CTDSPL2: variants seen among roughly 807,000 people sequenced by gnomAD.
CTDSPL2 encodes CTD small phosphatase like 2.
In CTDSPL2, 5 loss-of-function variants were observed where a neutral mutation model predicts 60.0. That is an observed-to-expected ratio of 0.08 (90% CI 0.04 to 0.18). CTDSPL2 has a LOEUF of 0.18. Among genes scored for constraint, CTDSPL2 ranks in the 10% least tolerant of loss-of-function variants. The pLI is 1.00. For synonymous variants in CTDSPL2, 186 were observed against 189.3 expected, an observed-to-expected ratio of 0.98 and a Z score of 0.14; for missense variants, 370 against 548.8, an observed-to-expected ratio of 0.67 and a Z score of 3.26.
At chr15:44,504,704 C>G (rs2081430654) in intron 8 of CTDSPL2, among the ~76,000 whole-genome samples, 1 of 148,956 alleles carries the variant, frequency 6.7e-6, no homozygotes, top group Non-Finnish European at 1.5e-5. Flanking sequence ...GATCCTGTCC[C>G]TTCCAAAAAA....
intron 1 of CTDSPL2, among the ~76,000 whole-genome samples, chr15:44,457,107 G>A (rs2080463629): frequency 6.6e-6 from 1 of 151,984 alleles, no homozygotes; most frequent in Non-Finnish European, 1.5e-5. Flanking sequence ...GAACTCCTGG[G>A]CTCAAGCCAT....
At chr15:44,492,923 C>G (rs1336935354) in intron 5 of CTDSPL2, among the ~76,000 whole-genome samples, 1 of 152,114 alleles carries the variant, frequency 6.6e-6, no homozygotes, top group Non-Finnish European at 1.5e-5. Context: ...GATGTTTGTT[C>G]TGTATTTTCA....
At chr15:44,496,004 A>G (rs1388812406) in intron 5 of CTDSPL2, among the ~76,000 whole-genome samples, 1 of 152,190 alleles carries the variant, frequency 6.6e-6, no homozygotes, top group African/African-American at 2.4e-5. Flanking sequence ...TGTATGTACA[A>G]GGCATTTTAT....
intron 1 of CTDSPL2, among the ~76,000 whole-genome samples, chr15:44,431,505 AC>A (rs1236035835): frequency 6.6e-6 from 1 of 152,182 alleles, no homozygotes; most frequent in African/African-American, 2.4e-5. Context: ...CCAATGCCTA[AC>A]TTTATTTATA....
intron 1 of CTDSPL2, among the ~76,000 whole-genome samples, chr15:44,433,637 C>T (rs1326968387): frequency 6.6e-6 from 1 of 151,948 alleles, no homozygotes; most frequent in Non-Finnish European, 1.5e-5. Flanking sequence ...TGTTTGCCAC[C>T]ACGCCTGGCT....
intron 1 of CTDSPL2, among the ~76,000 whole-genome samples, chr15:44,455,310 G>A (rs1363033451): frequency 3.9e-5 from 6 of 152,190 alleles, no homozygotes; most frequent in Non-Finnish European, 5.9e-5. Flanking sequence ...TCAGCTTAAG[G>A]AGATTTTGGG....
intron 2 of CTDSPL2, 95 bp from the exon 3 acceptor site, chr15:44,484,129 A>G: frequency 9.0e-7 from 1 of 1,112,064 alleles, no homozygotes; most frequent in Non-Finnish European, 1.3e-6. Flanking sequence ...AAAGCAGAGG[A>G]AAGTATATTA....
At chr15:44,447,413 A>G (rs1161657778) in intron 1 of CTDSPL2, among the ~76,000 whole-genome samples, 7 of 152,340 alleles carry the variant, frequency 4.6e-5, no homozygotes, top group Admixed American at 6.5e-5. Context: ...TACAATCTCA[A>G]TGCAAACGTT....
chr15:44,487,511 G>A (rs1004038057), intron 4 of CTDSPL2, among the ~76,000 whole-genome samples: 1 of 152,116 alleles, frequency 6.6e-6, no homozygotes, highest in Non-Finnish European at 1.5e-5. Flanking sequence ...CTTCTGGGTG[G>A]CAGGGGTAGT....
chr15:44,507,965 A>G (rs985680414), intron 8 of CTDSPL2, among the ~76,000 whole-genome samples: 1 of 152,226 alleles, frequency 6.6e-6, no homozygotes, highest in African/African-American at 2.4e-5. Context: ...TATTTTATAG[A>G]TAGGGAAACT....
At chr15:44,440,250 C>G (rs1007494861) in intron 1 of CTDSPL2, among the ~76,000 whole-genome samples, 1 of 148,268 alleles carries the variant, frequency 6.7e-6, no homozygotes, top group African/African-American at 2.5e-5. Flanking sequence ...GGCTGGAGTG[C>G]AGTGGTGTGA....
intron 5 of CTDSPL2, among the ~76,000 whole-genome samples, chr15:44,495,232 A>G (rs2081278703): frequency 6.6e-6 from 1 of 152,186 alleles, no homozygotes; most frequent in Non-Finnish European, 1.5e-5. Context: ...GGCCTCCCAA[A>G]GTGCTGGGAT....
chr15:44,489,739 A>G (rs1296033268), intron 4 of CTDSPL2, among the ~76,000 whole-genome samples: 3 of 152,230 alleles, frequency 2.0e-5, no homozygotes, highest in African/African-American at 7.2e-5. Context: ...GCAGTAAACT[A>G]GTAGCTATGT....
At chr15:44,464,194 G>A (rs981701525) in intron 2 of CTDSPL2, among the ~76,000 whole-genome samples, 8 of 152,182 alleles carry the variant, frequency 5.3e-5, no homozygotes, top group Admixed American at 2.0e-4. Flanking sequence ...CTTATGGTTA[G>A]TAAGCAGTTA....
intron 8 of CTDSPL2, among the ~76,000 whole-genome samples, chr15:44,504,875 G>A (rs775510316): frequency 1.6e-4 from 25 of 152,044 alleles, no homozygotes; most frequent in Non-Finnish European, 3.5e-4. Context: ...AGCTTGTAGG[G>A]AACAATAATT....
intron 1 of CTDSPL2, among the ~76,000 whole-genome samples, chr15:44,443,560 AATTTTTATTTTTT>A (rs1170621963): frequency 9.2e-5 from 14 of 152,156 alleles, no homozygotes; most frequent in Admixed American, 6.5e-5. Flanking sequence ...TCTTGCCGGC[AATTTTTATTTTTT>A]ATTTTTATTT....
At chr15:44,477,996 T>C (rs1262925344) in intron 2 of CTDSPL2, among the ~76,000 whole-genome samples, 1 of 152,234 alleles carries the variant, frequency 6.6e-6, no homozygotes, top group Middle Eastern at 3.2e-3. Context: ...TTTCTTAGTT[T>C]TATGTCTACA....
chr15:44,501,225 G>C (rs114355322), intron 8 of CTDSPL2, among the ~76,000 whole-genome samples: 3 of 151,926 alleles, frequency 2.0e-5, no homozygotes, highest in South Asian at 2.1e-4. Flanking sequence ...TGGCTTTAAG[G>C]CTTTGAATTT....
At chr15:44,523,393 TACATACATAC>T (rs2081818695) in intron 12 of CTDSPL2, among the ~76,000 whole-genome samples, 1 of 15,200 alleles carries the variant, frequency 6.6e-5, no homozygotes, top group Non-Finnish European at 1.7e-4. Context: ...CATCTCTACA[TACATACATAC>T]ATACATACAT....
Sources: gnomAD v4.1 joint callset for allele counts (sites outside exome capture counted in the v4.1 genomes callset) on GRCh38, gnomAD v4.1.1 for gene constraint, MANE v1.5 for transcripts, NCBI Gene and HGNC (gene_info 2026-07-23, HGNC 2026-07-21) for gene names.